Variants in LRRC28 observed in about 807,000 individuals in gnomAD.
LRRC28 encodes the protein leucine rich repeat containing 28.
In LRRC28, 39 loss-of-function variants were observed where a neutral mutation model predicts 45.7. The ratio of observed to expected loss-of-function variants is 0.85; its 90% CI spans 0.66 to 1.12. The LOEUF is 1.12. LRRC28 is among the 50% of genes most tolerant of loss of function. The pLI, the probability that LRRC28 is intolerant of heterozygous loss-of-function variation, is 0.00. For synonymous variants in LRRC28, 206 were observed against 178.8 expected (o/e 1.15, Z -1.22); for missense variants, 435 against 438.5 (o/e 0.99, Z 0.07).
chr15:99,347,575 A>G (rs1212528185), intron 6 of LRRC28, among the ~76,000 whole-genome samples: 1 of 152,216 alleles, frequency 6.6e-6, no homozygotes, highest in East Asian at 1.9e-4. Flanking sequence ...ACTTAGTATA[A>G]TGTCTTCCAG....
chr15:99,384,225 C>G (rs1957915786), intron 9 of LRRC28: 1 of 152,150 alleles, frequency 6.6e-6, no homozygotes, highest in Non-Finnish European at 1.5e-5. Context: ...GCCATTGAAA[C>G]ATTTTTACCC....
intron 9 of LRRC28, among the ~76,000 whole-genome samples, chr15:99,365,141 A>G (rs1957306352): frequency 6.6e-6 from 1 of 152,214 alleles, no homozygotes. Context: ...AGATCCTTCA[A>G]ATCACTTTTA....
At chr15:99,256,314 A>G in intron 2 of LRRC28, 189 bp downstream of exon 2, 1 of 443,572 alleles carries the variant, frequency 2.3e-6, no homozygotes, top group Non-Finnish European at 3.8e-6. Flanking sequence ...TGCAGTTATG[A>G]GGTTGCCGGA....
At position 99,281,239 on chromosome 15, in the gene LRRC28, G is replaced by A. The variant is rs373545505; in HGVS notation, c.209+4623G>A. 3.9e-5 allele frequency among the ~76,000 whole-genome samples: 6 copies of A among 152,004 alleles called. No homozygotes were observed. In the East Asian group the frequency reaches 5.8e-4, roughly 15 times the overall value. The stretch of plus-strand genomic sequence containing the variant: ...ACATGGGGATTTGCTGTGTTGCCCA[G>A]GCTGGCTTTCTGTGTGTGTTTTTGA... On this transcript the variant is annotated intron_variant, in intron 3 of 9. Transcript: ENST00000301981.
chr15:99,305,074 G>A (rs1392462044), intron 5 of LRRC28, among the ~76,000 whole-genome samples: 1 of 152,182 alleles, frequency 6.6e-6, no homozygotes, highest in Non-Finnish European at 1.5e-5. Context: ...AGCCAAAGAA[G>A]TGAAAGGCTC....
At chr15:99,304,042 A>G (rs748597737) in intron 5 of LRRC28, among the ~76,000 whole-genome samples, 7 of 152,218 alleles carry the variant, frequency 4.6e-5, no homozygotes, top group Non-Finnish European at 1.0e-4. Context: ...CGGATATACT[A>G]GGGACCGAGG....
intron 6 of LRRC28, among the ~76,000 whole-genome samples, chr15:99,349,838 C>G (rs936186069): frequency 2.0e-5 from 3 of 152,194 alleles, no homozygotes; most frequent in African/African-American, 7.2e-5. Flanking sequence ...TGTTCAAACT[C>G]ATAAGTAGAA....
At chr15:99,379,649 A>G (rs559977858) in intron 9 of LRRC28, among the ~76,000 whole-genome samples, 10 of 152,160 alleles carry the variant, frequency 6.6e-5, no homozygotes, top group African/African-American at 2.4e-4. Context: ...TCAATTTTAG[A>G]TCTTTCCTGT....
intron 7 of LRRC28, chr15:99,355,700 C>T (rs548390839): frequency 2.0e-5 from 3 of 149,776 alleles, no homozygotes; most frequent in Non-Finnish European, 4.4e-5. Flanking sequence ...TAAAAGTAAT[C>T]CTCTACAGGA....
At chr15:99,260,546 A>G (rs540476274) in intron 2 of LRRC28, among the ~76,000 whole-genome samples, 52 of 152,348 alleles carry the variant, frequency 3.4e-4, no homozygotes, top group Non-Finnish European at 6.3e-4. Context: ...AAGGCTGTAC[A>G]GATATGAGGG....
chr15:99,261,699 C>T (rs2081203055), intron 2 of LRRC28, among the ~76,000 whole-genome samples: 1 of 151,512 alleles, frequency 6.6e-6, no homozygotes, highest in African/African-American at 2.4e-5. Context: ...CTCTTGTTGC[C>T]CAGGCTGGAG....
chr15:99,343,766 G>A (rs994326246), intron 6 of LRRC28, among the ~76,000 whole-genome samples: 1 of 152,124 alleles, frequency 6.6e-6, no homozygotes, highest in African/African-American at 2.4e-5. Context: ...GTTAGTACAC[G>A]AGTGATCTCT....
intron 6 of LRRC28, among the ~76,000 whole-genome samples, chr15:99,346,100 G>T: frequency 6.6e-6 from 1 of 152,170 alleles, no homozygotes; most frequent in East Asian, 1.9e-4. Flanking sequence ...TCCTGCCTCA[G>T]CTTCCTGAGT....
chr15:99,267,607 G>A (rs542988055), intron 2 of LRRC28, among the ~76,000 whole-genome samples: 27 of 152,304 alleles, frequency 1.8e-4, no homozygotes, highest in African/African-American at 6.5e-4. Context: ...AAATATGTGA[G>A]TATATCAAAT....
intron 9 of LRRC28, among the ~76,000 whole-genome samples, chr15:99,368,550 A>G (rs531436743): frequency 6.6e-6 from 1 of 152,220 alleles, no homozygotes; most frequent in East Asian, 1.9e-4. Flanking sequence ...TGGAATTGAG[A>G]AGGTTGCCCT....
At chr15:99,319,005 G>A (rs1171853510) in intron 5 of LRRC28, among the ~76,000 whole-genome samples, 1 of 152,024 alleles carries the variant, frequency 6.6e-6, no homozygotes, top group Non-Finnish European at 1.5e-5. Context: ...ATTTCTTCCT[G>A]TTTTGAATTT....
chr15:99,275,254 G>C (rs951438269), intron 2 of LRRC28, among the ~76,000 whole-genome samples: 4 of 152,232 alleles, frequency 2.6e-5, no homozygotes, highest in Admixed American at 1.3e-4. Context: ...GTAGACTTTT[G>C]TTCTAGGATT....
intron 5 of LRRC28, among the ~76,000 whole-genome samples, chr15:99,306,693 T>G (rs536318923): frequency 2.3e-4 from 35 of 152,330 alleles, no homozygotes; most frequent in Non-Finnish European, 4.9e-4. Flanking sequence ...CTGGCAGGTT[T>G]TAAAAGAAGC....
At chr15:99,307,001 A>G (rs906139394) in intron 5 of LRRC28, among the ~76,000 whole-genome samples, 2 of 152,126 alleles carry the variant, frequency 1.3e-5, no homozygotes, top group Non-Finnish European at 2.9e-5. Context: ...CCTTCAAGCC[A>G]TTACGTGTTT....
Sources: gnomAD v4.1 joint callset for allele counts (sites outside exome capture counted in the v4.1 genomes callset) on GRCh38, gnomAD v4.1.1 for gene constraint, MANE v1.5 for transcripts, NCBI Gene and HGNC (gene_info 2026-07-23, HGNC 2026-07-21) for gene names.